ARHGAP39: variants seen among roughly 807,000 people sequenced by gnomAD.
ARHGAP39 encodes rho GTPase-activating protein 39.
A neutral mutation model predicts 106.9 loss-of-function variants in ARHGAP39; 44 were observed. That is an observed-to-expected ratio of 0.41 (90% confidence interval 0.32 to 0.53). The LOEUF (loss-of-function observed/expected upper bound fraction) is 0.53. ARHGAP39 is among the 20% of genes least tolerant of loss of function. The pLI, the probability that ARHGAP39 is intolerant of heterozygous loss-of-function variation, is 0.21. For missense variants in ARHGAP39, 1,496 were observed against 1,577.3 expected (o/e 0.95, Z 0.87); for synonymous variants, 768 against 693.2 (o/e 1.11, Z -1.69).
chr8:144,544,790 C>A (rs1817339316), intron 6 of ARHGAP39, among the ~76,000 whole-genome samples: 1 of 152,256 alleles, frequency 6.6e-6, no homozygotes, highest in Admixed American at 6.5e-5. Context: ...AAGCTCCTGC[C>A]TGCTCACAGG....
In ARHGAP39 at chr8:144,670,371, C is replaced by T. The variant is rs750031190; in HGVS notation, c.-82+15315G>A. ...CCACACTGCTCCATCACCCTCCTCA[C>T]CGGGCCATCGAGCCTCTGAATCCCA... is the stretch of plus-strand genomic sequence containing the variant. On this transcript the variant is annotated intron_variant, in intron 1 of 11. Coordinates refer to ENST00000377307, the MANE Select transcript of ARHGAP39 (RefSeq NM_025251.3). This position sits in a 1 kb window ranked among gnomAD's most constrained non-coding sequence, Gnocchi z 4.4. 2.6e-5 allele frequency among the ~76,000 whole-genome samples: 4 copies of T among 152,208 alleles called. No homozygotes were observed. The highest frequency in any genetic ancestry group is 6.5e-5 in the Admixed American group (1 of 15,284).
At chr8:144,608,156 CAAAAAAAAAAAAAAA>C (rs60966946) in intron 1 of ARHGAP39, among the ~76,000 whole-genome samples, 2 of 96,336 alleles carry the variant, frequency 2.1e-5, no homozygotes. Context: ...GACTCTGTCT[CAAAAAAAAAAAAAAA>C]AAAAAAAAAA....
intron 1 of ARHGAP39, among the ~76,000 whole-genome samples, chr8:144,640,476 C>T (rs1022154179): frequency 1.3e-5 from 2 of 152,216 alleles, no homozygotes; most frequent in African/African-American, 2.4e-5. Flanking sequence ...CCAGGTAAGA[C>T]GTGACTTGCT....
rs146449253 is a variant in ARHGAP39, at chr8:144,560,155, C to T, written c.513-4512G>A. ...TTGTATCAACAAATGGCAAACTTGC[C>T]GGGCACAGTGACTCACGCCTGTAAT... On this transcript the variant is annotated intron_variant, in intron 3 of 11. Coordinates refer to ENST00000377307, the MANE Select transcript of ARHGAP39 (RefSeq NM_025251.3). 3.1e-3 allele frequency among the ~76,000 whole-genome samples: 469 copies of T among 152,266 alleles called. 2 individuals carry two copies. Among genetic ancestry groups the T allele is most frequent in the African/African-American group, 5.2e-3 (217 of 41,546 alleles).
Position 144,645,724 on chromosome 8 carries a change from G to T in ARHGAP39, c.-82+39962C>A, listed in dbSNP as rs1586634894. Among the ~76,000 whole-genome samples the T allele has an allele frequency of 6.6e-6, 1 of 152,266 alleles. No individual in the cohort carries two copies. Among genetic ancestry groups the T allele is most frequent in the South Asian group, 2.1e-4 (1 of 4,826 alleles). On this transcript the variant is annotated intron_variant, in intron 1 of 11. Transcript: ENST00000377307. The surrounding 1 kb of genome is among the most constrained non-coding windows in gnomAD (Gnocchi z 4.4). The stretch of plus-strand genomic sequence containing the variant: ...TCCCCAAACCCAGACGTGCTCTCAG[G>T]AAGCAGAGCGATACACCTTGGATGG...
rs1168152883 is a variant in ARHGAP39 at position 144,561,485 on chromosome 8, C to G, written c.513-5842G>C. 8.7e-3 allele frequency among the ~76,000 whole-genome samples: 1,100 copies of G among 126,898 alleles called. 16 individuals are homozygous for G. Among genetic ancestry groups the G allele is most frequent in the African/African-American group, 0.026 (815 of 31,888 alleles). The allele number at this position is 126,898 out of a possible 152,430, so 83.3% of individuals were successfully genotyped here. On this transcript the variant is annotated intron_variant, in intron 3 of 11. Transcript: ENST00000377307. ...CATCACACTCCAGTGGTTTCCATCA[C>G]ACTCCAGTGGTTTCCATCAGACTCC...
intron 1 of ARHGAP39, among the ~76,000 whole-genome samples, chr8:144,610,583 G>A (rs1399797202): frequency 6.6e-6 from 1 of 151,908 alleles, no homozygotes; most frequent in African/African-American, 2.4e-5. Flanking sequence ...GTGGTGGCGG[G>A]CGCCTGTAGT....
intron 2 of ARHGAP39, among the ~76,000 whole-genome samples, chr8:144,582,963 G>A (rs113410123): frequency 0.033 from 5,041 of 152,244 alleles, 278 homozygotes; most frequent in African/African-American, 0.11. Context: ...CGGCTTGCTC[G>A]GCTCAGACCC....
chr8:144,676,433 GC>G (rs1822241417), intron 1 of ARHGAP39, among the ~76,000 whole-genome samples: 1 of 125,720 alleles, frequency 8.0e-6, no homozygotes, highest in Non-Finnish European at 1.5e-5. Context: ...GCTGACTGGT[GC>G]GTTTACAAAC....
At chr8:144,546,346 C>T (rs1337731771) in intron 5 of ARHGAP39, among the ~76,000 whole-genome samples, 1 of 152,158 alleles carries the variant, frequency 6.6e-6, no homozygotes, top group Non-Finnish European at 1.5e-5. Context: ...CCTCTCTGCC[C>T]TCTTGTCCTG....
rs368564141 is a variant in ARHGAP39 at position 144,585,890 on chromosome 8, G to A, written c.81-4613C>T. Reference sequence around the variant, plus strand: ...GGTGCCCTGCCTTCCCCCTGGAGCCGGCTCTCCCCGAGGGACAGATGGGGC... The same window carrying A: ...GGTGCCCTGCCTTCCCCCTGGAGCCAGCTCTCCCCGAGGGACAGATGGGGC... On this transcript the variant is annotated intron_variant, in intron 2 of 11. Coordinates refer to ENST00000377307, the MANE Select transcript of ARHGAP39 (RefSeq NM_025251.3). The surrounding 1 kb of genome is among the most constrained non-coding windows in gnomAD (Gnocchi z 4.6). 3.9e-5 allele frequency among the ~76,000 whole-genome samples: 6 copies of A among 152,294 alleles called. No homozygotes were observed. The South Asian group carries it at 1.0e-3, about 26-fold the overall frequency.
chr8:144,621,963 G>A (rs1292526894), intron 1 of ARHGAP39, among the ~76,000 whole-genome samples: 1 of 152,264 alleles, frequency 6.6e-6, no homozygotes, highest in Admixed American at 6.5e-5. Context: ...TGCGACTTGG[G>A]TAGGAAGACT....
In ARHGAP39 at chr8:144,585,740, G is replaced by A. The variant is rs1352107551; in HGVS notation, c.81-4463C>T. Among the ~76,000 whole-genome samples, 3 of 152,180 alleles carry A rather than the reference G, an allele frequency of 2.0e-5. No individual in the cohort carries two copies. The highest frequency in any genetic ancestry group is 6.5e-5 in the Admixed American group (1 of 15,290). On this transcript the variant is annotated intron_variant, in intron 2 of 11. Coordinates refer to ENST00000377307, the MANE Select transcript of ARHGAP39 (RefSeq NM_025251.3). The surrounding 1 kb of genome is among the most constrained non-coding windows in gnomAD (Gnocchi z 4.6). Reference sequence around the variant, plus strand: ...GAGGATGTCGCTGGTTGTGGCAGTCGGCTGTACACACCATGCTCTTAAATC... The same window carrying A: ...GAGGATGTCGCTGGTTGTGGCAGTCAGCTGTACACACCATGCTCTTAAATC...
chr8:144,533,623 G>A (rs1030888061), intron 8 of ARHGAP39, among the ~76,000 whole-genome samples: 3 of 152,220 alleles, frequency 2.0e-5, no homozygotes, highest in Non-Finnish European at 2.9e-5. Context: ...CCTGGCCAGA[G>A]TCACCGTCTA....
At chr8:144,532,515 A>T (rs925888681) in intron 9 of ARHGAP39, 119 bp from the exon 10 acceptor site, 10 of 803,758 alleles carry the variant, frequency 1.2e-5, no homozygotes, top group East Asian at 8.1e-5. Context: ...AAACCTCAGG[A>T]CCCCCCGCCA....
rs1822357968 is a variant in ARHGAP39, at chr8:144,679,986, A to T, written c.-82+5700T>A. Among the ~76,000 whole-genome samples the T allele has an allele frequency of 1.3e-5, 2 of 152,206 alleles. 1 individual carries two copies. Among genetic ancestry groups the T allele is most frequent in the South Asian group, 4.1e-4 (2 of 4,834 alleles). On this transcript the variant is annotated intron_variant, in intron 1 of 11. Coordinates refer to ENST00000377307, the MANE Select transcript of ARHGAP39 (RefSeq NM_025251.3). The surrounding 1 kb of genome is among the most constrained non-coding windows in gnomAD (Gnocchi z 4.7). ...CAGAGCAAGACTCCATCTCAAAAAC[A>T]AAAAGAAAATTAAAATCTAAAGCCT...
chr8:144,552,667 C>G (rs1408672242), intron 4 of ARHGAP39, among the ~76,000 whole-genome samples: 1 of 152,054 alleles, frequency 6.6e-6, no homozygotes, highest in African/African-American at 2.4e-5. Context: ...TGGTATCAAG[C>G]TGGTGAGATT....
At chr8:144,667,048 C>T (rs533684615) in intron 1 of ARHGAP39, among the ~76,000 whole-genome samples, 54 of 152,288 alleles carry the variant, frequency 3.5e-4, no homozygotes, top group East Asian at 7.7e-4. Context: ...AAAACCATTT[C>T]GAACCAATCA....
intron 1 of ARHGAP39, among the ~76,000 whole-genome samples, chr8:144,629,857 G>T (rs1821018520): frequency 6.6e-6 from 1 of 152,100 alleles, no homozygotes; most frequent in Non-Finnish European, 1.5e-5. Context: ...GGGAAGTGTT[G>T]GGGGACTTGC....
Sources: gnomAD v4.1 joint callset for allele counts (sites outside exome capture counted in the v4.1 genomes callset) on GRCh38, gnomAD v4.1.1 for gene constraint, Gnocchi (gnomAD v3.1) non-coding constraint, MANE v1.5 for transcripts, NCBI Gene and HGNC (gene_info 2026-07-23, HGNC 2026-07-21) for gene names.